The following RNF111 variants were observed in gnomAD, a reference collection of about 807,000 sequenced individuals.
RNF111 encodes ring finger protein 111, also known as E3 ubiquitin-protein ligase Arkadia.
In RNF111, 17 loss-of-function variants were observed where a neutral mutation model predicts 95.1. The ratio of observed to expected loss-of-function variants is 0.18; its 90% CI spans 0.12 to 0.27. The LOEUF (loss-of-function observed/expected upper bound fraction) is 0.27, where lower values mean the gene tolerates loss of function less well. Among genes scored for constraint, RNF111 ranks in the 10% least tolerant of loss-of-function variants. RNF111 has a pLI of 1.00. For missense variants in RNF111, 1,189 were observed against 1,210.4 expected, an observed-to-expected ratio of 0.98 and a Z score of 0.26; for synonymous variants, 440 against 414.8, an observed-to-expected ratio of 1.06 and a Z score of -0.74.
At chr15:59,045,091 A>G (rs2041642203) in intron 2 of RNF111, among the ~76,000 whole-genome samples, 1 of 152,114 alleles carries the variant, frequency 6.6e-6, no homozygotes, top group Non-Finnish European at 1.5e-5. Flanking sequence ...CTAGCTTTGT[A>G]TCATTTATCA....
At chr15:59,084,583 A>G (rs1452969644) in intron 9 of RNF111, among the ~76,000 whole-genome samples, 4 of 152,230 alleles carry the variant, frequency 2.6e-5, no homozygotes, top group African/African-American at 9.6e-5. Flanking sequence ...CTAATGGCAC[A>G]TTTATCACCT....
intron 1 of RNF111, among the ~76,000 whole-genome samples, chr15:59,023,000 A>C (rs1043418080): frequency 6.6e-6 from 1 of 152,216 alleles, no homozygotes; most frequent in African/African-American, 2.4e-5. Flanking sequence ...TAATCCCAGC[A>C]CTTTGGGAGG....
intron 1 of RNF111, among the ~76,000 whole-genome samples, chr15:59,030,072 T>C (rs1348290092): frequency 3.3e-5 from 5 of 152,204 alleles, no homozygotes; most frequent in Admixed American, 1.3e-4. Context: ...TGGCAGCTCG[T>C]AATTTAAGAT....
rs536138628 is a variant in RNF111, at chr15:59,071,488, C to G, written c.1686+4405C>G. Among the ~76,000 whole-genome samples, 3 of 151,986 alleles carry G rather than the reference C, an allele frequency of 2.0e-5. No individual in the cohort carries two copies. The South Asian group carries it at 6.2e-4, about 32-fold the overall frequency. ...GCTTGACCGCAAGAGTTCGAGACCA[C>G]CCTGTGCAACATGGTGAAACCCCGT... On this transcript the variant is annotated intron_variant, in intron 6 of 13. Transcript: ENST00000348370.
chr15:59,038,395 T>A (rs2041288088), intron 2 of RNF111, among the ~76,000 whole-genome samples: 2 of 152,234 alleles, frequency 1.3e-5, no homozygotes, highest in Non-Finnish European at 2.9e-5. Flanking sequence ...CTTAAAAAGA[T>A]AACCCTTGGA....
At chr15:59,057,791 G>A (rs1006098430) in intron 4 of RNF111, among the ~76,000 whole-genome samples, 2 of 152,180 alleles carry the variant, frequency 1.3e-5, no homozygotes, top group Non-Finnish European at 2.9e-5. Context: ...GGCATCATAC[G>A]AAGTATGTGA....
chr15:59,020,218 C>G (rs1323417102), intron 1 of RNF111, among the ~76,000 whole-genome samples: 1 of 148,740 alleles, frequency 6.7e-6, no homozygotes, highest in Non-Finnish European at 1.5e-5. Flanking sequence ...ATTCTATATA[C>G]AATAAAGATA....
intron 7 of RNF111, among the ~76,000 whole-genome samples, chr15:59,077,018 A>T (rs2078584608): frequency 6.6e-6 from 1 of 152,216 alleles, no homozygotes; most frequent in Non-Finnish European, 1.5e-5. Context: ...ACGCAGCTGG[A>T]ATCAACCCAG....
At chr15:59,074,434 G>A (rs1460713082) in intron 6 of RNF111, among the ~76,000 whole-genome samples, 5 of 152,202 alleles carry the variant, frequency 3.3e-5, no homozygotes, top group South Asian at 2.1e-4. Flanking sequence ...ATAACTTACT[G>A]TAGCTTCTAC....
Position 59,042,472 on chromosome 15 carries a change from C to T in RNF111, c.881-9833C>T, listed in dbSNP as rs563699604. On this transcript the variant is annotated intron_variant, in intron 2 of 13. Coordinates refer to ENST00000348370, the MANE Select transcript of RNF111 (RefSeq NM_017610.8). Reference sequence around the variant, plus strand: ...TATTTATCAACTTTTATTCTTACTGCTTCTGGATTTTGAATCATAATTAGG... The same window carrying T: ...TATTTATCAACTTTTATTCTTACTGTTTCTGGATTTTGAATCATAATTAGG... 7.9e-5 allele frequency among the ~76,000 whole-genome samples: 12 copies of T among 152,212 alleles called. No individual in the cohort carries two copies. The South Asian group carries it at 1.9e-3, about 24-fold the overall frequency.
intron 6 of RNF111, among the ~76,000 whole-genome samples, chr15:59,068,331 G>A (rs1258410625): frequency 1.3e-5 from 2 of 152,342 alleles, no homozygotes; most frequent in African/African-American, 4.8e-5. Flanking sequence ...AAAGAGGCTG[G>A]CATGGTGGCT....
At chr15:59,015,966 TC>T (rs1240728416) in intron 1 of RNF111, among the ~76,000 whole-genome samples, 24 of 151,134 alleles carry the variant, frequency 1.6e-4, no homozygotes, top group African/African-American at 5.8e-4. Flanking sequence ...TCCTCCCACC[TC>T]AGCCTCCTGA....
chr15:59,031,492 A>G lies in RNF111; in HGVS notation c.670A>G (p.Arg224Gly). The stretch of plus-strand genomic sequence containing the variant: ...ATTTGTAAAAAATAATTCCTCACAG[A>G]GGACACAGAAACAAAAAGAGAGGAT... ...KRFVKNNSSQ[R>G]TQKQKERILM... Residue 224 changes from arginine to glycine, a missense_variant, in exon 2 of 14, where the codon AGG (arginine) becomes GGG (glycine). Arg to Gly is a moderately radical substitution (Grantham distance 125). Coordinates refer to ENST00000348370, the MANE Select transcript of RNF111 (RefSeq NM_017610.8). The G allele has an allele frequency of 6.2e-7, 1 of 1,614,234 alleles. No individual in the cohort carries two copies. Among genetic ancestry groups the G allele is most frequent in the East Asian group, 2.2e-5 (1 of 44,884 alleles).
At chr15:59,074,459 C>T (rs1477243555) in intron 6 of RNF111, among the ~76,000 whole-genome samples, 1 of 152,202 alleles carries the variant, frequency 6.6e-6, no homozygotes, top group Non-Finnish European at 1.5e-5. Flanking sequence ...GCACTTGCTG[C>T]TTCTCCTTGC....
At chr15:59,078,442 G>A (rs1379821159) in intron 7 of RNF111, among the ~76,000 whole-genome samples, 1 of 151,846 alleles carries the variant, frequency 6.6e-6, no homozygotes, top group African/African-American at 2.4e-5. Flanking sequence ...TCAGGAGGCT[G>A]AGGCATGGGG....
At chr15:59,051,496 C>G (rs1485364723) in intron 2 of RNF111, among the ~76,000 whole-genome samples, 14 of 148,750 alleles carry the variant, frequency 9.4e-5, no homozygotes, top group African/African-American at 3.0e-4. Flanking sequence ...CAAATTTTGG[C>G]TGGGTGCAGT....
intron 2 of RNF111, 53 bp downstream of exon 2, chr15:59,031,755 C>T: frequency 6.6e-7 from 1 of 1,504,732 alleles, no homozygotes; most frequent in Non-Finnish European, 9.0e-7. Context: ...TGCATTTGTG[C>T]TTAATTTTTT....
intron 2 of RNF111, among the ~76,000 whole-genome samples, chr15:59,034,674 T>A (rs564644208): frequency 1.2e-4 from 19 of 152,214 alleles, no homozygotes; most frequent in Non-Finnish European, 2.2e-4. Context: ...TTCCTTAGAT[T>A]CTTAGGAGAT....
chr15:59,058,361 A>C lies in RNF111; in HGVS notation c.1177A>C (p.Thr393Pro). The C allele has an allele frequency of 6.2e-7, 1 of 1,613,730 alleles. No homozygotes were observed. ...TGACATTTTGTATTTTGTAGAACCT[A>C]CTGTAGTACCAACCACTTCTGCAAG... ...VDLTVDEDEP[T>P]VVPTTSARME... is the part of the protein sequence containing the mutation. Residue 393 changes from threonine to proline, a missense_variant, in exon 5 of 14, where the codon ACT (threonine) becomes CCT (proline). By Grantham distance (38) the Thr-to-Pro change is conservative. Transcript: ENST00000348370.
Sources: gnomAD v4.1 joint callset for allele counts (sites outside exome capture counted in the v4.1 genomes callset) on GRCh38, gnomAD v4.1.1 for gene constraint, MANE v1.5 for transcripts, NCBI Gene and HGNC (gene_info 2026-07-23, HGNC 2026-07-21) for gene names.